FSD1: variants seen among roughly 807,000 people sequenced by gnomAD.
FSD1 encodes the protein fibronectin type III and SPRY domain containing 1.
In FSD1, 23 loss-of-function variants were observed where a neutral mutation model predicts 58.2. That is an observed-to-expected ratio of 0.40 (90% confidence interval 0.28 to 0.56). The LOEUF (loss-of-function observed/expected upper bound fraction) is 0.56, where lower values mean the gene tolerates loss of function less well. Among genes scored for constraint, FSD1 ranks in the 20% least tolerant of loss-of-function variants. FSD1 has a pLI of 0.54. For missense variants in FSD1, 563 were observed against 670.8 expected (o/e 0.84, Z 1.78); for synonymous variants, 265 against 263.4 (o/e 1.01, Z -0.06).
At position 4,322,937 on chromosome 19, in the gene FSD1, C is replaced by T. The variant is rs1452030668; in HGVS notation, c.1040-49C>T. 5 of 1,564,738 alleles carry T rather than the reference C, an allele frequency of 3.2e-6. No individual in the cohort carries two copies. The East Asian group carries it at 9.3e-5, about 29-fold the overall frequency. On this transcript the variant is annotated intron_variant, in intron 10 of 12. Transcript: ENST00000221856. ...GCCCTTTGTGGAAGGGCATCTGTGG[C>T]CCAGTTCTATCCAGTTCCCCTGCCC...
At chr19:4,312,441 A>G (rs939246073) in intron 7 of FSD1, among the ~76,000 whole-genome samples, 1 of 151,964 alleles carries the variant, frequency 6.6e-6, no homozygotes, top group Non-Finnish European at 1.5e-5. Flanking sequence ...CACTGAGCCG[A>G]GATCGCGCTA....
At chr19:4,319,907 TGAG>T (rs371345737) in intron 10 of FSD1, among the ~76,000 whole-genome samples, 65 of 151,862 alleles carry the variant, frequency 4.3e-4, no homozygotes, top group African/African-American at 1.6e-3. Flanking sequence ...GGCGAGAGTA[TGAG>T]GAGAAGCTGA....
intron 1 of FSD1, among the ~76,000 whole-genome samples, chr19:4,305,061 GCGT>G (rs968810302): frequency 8.1e-6 from 1 of 122,854 alleles, no homozygotes; most frequent in African/African-American, 3.1e-5. Context: ...CGCGGACCAG[GCGT>G]CCCGGCCCCC....
At position 4,304,667 on chromosome 19, in the gene FSD1, A is replaced by G. The variant is rs1971595195; in HGVS notation, c.-80A>G. The stretch of plus-strand genomic sequence containing the variant: ...GCGAGGGCTCGGCGGGCCATTGGCT[A>G]CCGGCCGCGGCAAAGGCAGCTTGGG... On this transcript the variant is annotated 5_prime_UTR_variant, in exon 1 of 13. Coordinates refer to ENST00000221856, the MANE Select transcript of FSD1 (RefSeq NM_024333.3). 4 of 901,050 alleles carry G rather than the reference A, an allele frequency of 4.4e-6. No individual in the cohort carries two copies. Among genetic ancestry groups the G allele is most frequent in the Non-Finnish European group, 4.3e-6 (3 of 695,416 alleles). The allele number at this position is 901,050 out of a possible 1,614,324, so 55.8% of individuals were successfully genotyped here.
At chr19:4,313,491 G>A (rs1292076738) in intron 7 of FSD1, among the ~76,000 whole-genome samples, 6 of 151,944 alleles carry the variant, frequency 3.9e-5, no homozygotes, top group Non-Finnish European at 7.4e-5. Flanking sequence ...AGGCTTAGGC[G>A]GGCGGATCTT....
chr19:4,323,683 G>A lies in FSD1; in HGVS notation c.*40G>A. On this transcript the variant is annotated 3_prime_UTR_variant, in exon 13 of 13. Coordinates refer to ENST00000221856, the MANE Select transcript of FSD1 (RefSeq NM_024333.3). This position sits in a 1 kb window ranked among gnomAD's most constrained non-coding sequence, Gnocchi z 7.7. ...ACCCAGCTGGGGTGTTTTTGGGGGA[G>A]TCGCCGCCAAGCCCAGGCTGCTGGA... is the stretch of plus-strand genomic sequence containing the variant. 1 of 1,436,716 alleles carries A rather than the reference G, an allele frequency of 7.0e-7. No homozygotes were observed. The highest frequency in any genetic ancestry group is 9.7e-7 in the Non-Finnish European group (1 of 1,035,398). 89.0% of individuals were successfully genotyped at this position (1,436,716 alleles called of 1,614,324 possible). A position where few individuals can be genotyped will look rare whatever the true frequency, so the allele number is the denominator to read the frequency against.
At chr19:4,313,170 AG>A (rs1971714167) in intron 7 of FSD1, among the ~76,000 whole-genome samples, 1 of 150,442 alleles carries the variant, frequency 6.6e-6, no homozygotes, top group Non-Finnish European at 1.5e-5. Context: ...TAACAAAGCA[AG>A]AGCCCATCTA....
intron 10 of FSD1, among the ~76,000 whole-genome samples, chr19:4,322,280 G>A (rs1457540657): frequency 2.0e-5 from 3 of 147,802 alleles, no homozygotes; most frequent in African/African-American, 7.5e-5. Flanking sequence ...TTATCTGGGG[G>A]GAATAGCTGG....
chr19:4,311,727 T>C lies in FSD1; in HGVS notation c.491-115T>C, dbSNP rs1971693819. Reference sequence around the variant, plus strand: ...CCACCCTGCCAAACATGGAACCCCTTTGTGGCCATGCCCCCAAAATTGTCC... The same window carrying C: ...CCACCCTGCCAAACATGGAACCCCTCTGTGGCCATGCCCCCAAAATTGTCC... On this transcript the variant is annotated intron_variant, in intron 6 of 12. Coordinates refer to ENST00000221856, the MANE Select transcript of FSD1 (RefSeq NM_024333.3). The C allele has an allele frequency of 8.3e-6, 7 of 846,038 alleles. No homozygotes were observed. The Admixed American group carries it at 1.1e-4, about 13-fold the overall frequency. 52.4% of individuals were successfully genotyped at this position (846,038 alleles called of 1,614,324 possible). A position where few individuals can be genotyped will look rare whatever the true frequency, so the allele number is the denominator to read the frequency against.
intron 1 of FSD1, among the ~76,000 whole-genome samples, chr19:4,304,990 C>A (rs1013090442): frequency 7.0e-6 from 1 of 142,192 alleles, no homozygotes; most frequent in Non-Finnish European, 1.6e-5. Context: ...TACGCCCCCC[C>A]ACCCTGCCCA....
At chr19:4,313,791 T>C (rs1971722544) in intron 7 of FSD1, among the ~76,000 whole-genome samples, 1 of 150,394 alleles carries the variant, frequency 6.6e-6, no homozygotes, top group East Asian at 1.9e-4. Flanking sequence ...TTTGGGAGGC[T>C]GAGGTGGGTG....
intron 9 of FSD1, 77 bp downstream of exon 9, chr19:4,318,582 C>T (rs1252883925): frequency 7.3e-7 from 1 of 1,367,546 alleles, no homozygotes; most frequent in African/African-American, 1.4e-5. Context: ...CCAGTGTGGT[C>T]AGAGTTGGGG....
chr19:4,318,856 T>G lies in FSD1; in HGVS notation c.960-16T>G. 2 of 1,610,628 alleles carry G rather than the reference T, an allele frequency of 1.2e-6. No homozygotes were observed. The highest frequency in any genetic ancestry group is 1.7e-6 in the Non-Finnish European group (2 of 1,177,312). ...AACTGAGCCTCCTGAGCCTGCCCAC[T>G]CCCTGCCCACCACAGAGGTACTCCA... On this transcript the variant is annotated splice_polypyrimidine_tract_variant and intron_variant, in intron 9 of 12. Coordinates refer to ENST00000221856, the MANE Select transcript of FSD1 (RefSeq NM_024333.3).
rs549011264 is a variant in FSD1, at chr19:4,322,868, C to T, written c.1040-118C>T. ...GTACAGCTAGGAACCTGGGGAGTGT[C>T]TCTGCAGGGAGCAGCTGTGGTGTAA... On this transcript the variant is annotated intron_variant, in intron 10 of 12. Transcript: ENST00000221856. The T allele has an allele frequency of 1.7e-5, 22 of 1,260,684 alleles. No homozygotes were observed. The African/African-American group carries it at 3.1e-4, about 18-fold the overall frequency. The allele number at this position is 1,260,684 out of a possible 1,614,324, so 78.1% of individuals were successfully genotyped here.
At chr19:4,305,237 C>G (rs1276807019) in intron 1 of FSD1, among the ~76,000 whole-genome samples, 3 of 150,700 alleles carry the variant, frequency 2.0e-5, no homozygotes, top group African/African-American at 7.3e-5. Context: ...TCCCTGCCCC[C>G]TCCCCGCTTA....
In FSD1 at chr19:4,323,068, C is replaced by G; in HGVS notation, c.1122C>G (p.Ala374=). The change falls in exon 11 of 13, where the codon GCC becomes GCG. Residue 374 remains alanine, a synonymous_variant. Coordinates refer to ENST00000221856, the MANE Select transcript of FSD1 (RefSeq NM_024333.3). The surrounding 1 kb of genome is among the most constrained non-coding windows in gnomAD (Gnocchi z 7.7). Reference sequence around the variant, plus strand: ...GCAAGGCGTTCGGCGTGGGCGTGGCCTACCGCAGCCTGGGCCGCTTCGAGC... The same window carrying G: ...GCAAGGCGTTCGGCGTGGGCGTGGCGTACCGCAGCCTGGGCCGCTTCGAGC... ...PDSKAFGVGV[A]YRSLGRFEQL... is the part of the protein sequence containing the mutation. The G allele has an allele frequency of 6.2e-7, 1 of 1,611,356 alleles. No homozygotes were observed.
intron 10 of FSD1, among the ~76,000 whole-genome samples, chr19:4,319,339 C>T (rs1453025585): frequency 6.6e-6 from 1 of 151,906 alleles, no homozygotes; most frequent in Non-Finnish European, 1.5e-5. Flanking sequence ...TGAAGCCAGG[C>T]AGGAATTTTG....
chr19:4,315,607 C>CTT (rs1302777132), intron 7 of FSD1, among the ~76,000 whole-genome samples: 172 of 93,748 alleles, frequency 1.8e-3, no homozygotes, highest in African/African-American at 3.4e-3. Context: ...CGTGCCTGGC[C>CTT]TTTTTTTTTT....
chr19:4,305,840 G>A (rs935727726), intron 1 of FSD1, 106 bp from the exon 2 acceptor site: 11 of 795,786 alleles, frequency 1.4e-5, no homozygotes, highest in Non-Finnish European at 2.2e-5. Context: ...ATTTATGTAC[G>A]TGTGTGCATG....
Sources: gnomAD v4.1 joint callset for allele counts (sites outside exome capture counted in the v4.1 genomes callset) on GRCh38, gnomAD v4.1.1 for gene constraint, Gnocchi (gnomAD v3.1) non-coding constraint, MANE v1.5 for transcripts, NCBI Gene and HGNC (gene_info 2026-07-23, HGNC 2026-07-21) for gene names.